Variants in SLC4A10 observed in about 807,000 individuals in gnomAD.
SLC4A10 encodes the protein solute carrier family 4 member 10.
SLC4A10 carries 42 observed loss-of-function variants against 137.7 expected under a neutral mutation model. The observed-to-expected ratio is 0.30, with a 90% CI of 0.24 to 0.39. The LOEUF is 0.39. SLC4A10 is among the 10% of genes least tolerant of loss of function. The probability of loss-of-function intolerance (pLI) is 1.00; values close to 1 mark genes in which losing one functional copy is unlikely to be tolerated. For missense variants in SLC4A10, 925 were observed against 1,355.0 expected, an observed-to-expected ratio of 0.68 and a Z score of 4.98; for synonymous variants, 474 against 464.1, an observed-to-expected ratio of 1.02 and a Z score of -0.27.
chr2:161,857,647 C>G (rs1435761457), intron 5 of SLC4A10, among the ~76,000 whole-genome samples: 1 of 151,976 alleles, frequency 6.6e-6, no homozygotes, highest in Non-Finnish European at 1.5e-5. Flanking sequence ...TTATTTTTTA[C>G]TTCTCCTATT....
intron 1 of SLC4A10, among the ~76,000 whole-genome samples, chr2:161,732,102 T>C (rs2046877912): frequency 2.0e-5 from 3 of 152,196 alleles, no homozygotes; most frequent in African/African-American, 7.2e-5. Flanking sequence ...AAGCTCCAAG[T>C]GCTCAGCTAT....
chr2:161,723,913 C>T (rs535980403), intron 1 of SLC4A10, among the ~76,000 whole-genome samples: 1 of 152,282 alleles, frequency 6.6e-6, no homozygotes, highest in South Asian at 2.1e-4. Context: ...GACATTGCAT[C>T]CTGGTAGACA....
At chr2:161,664,135 G>C (rs913715820) in intron 1 of SLC4A10, among the ~76,000 whole-genome samples, 4 of 151,714 alleles carry the variant, frequency 2.6e-5, no homozygotes, top group African/African-American at 9.7e-5. Context: ...AGAAGCTCTG[G>C]GATTCTAACC....
chr2:161,852,894 A>G (rs1163253802), intron 4 of SLC4A10, among the ~76,000 whole-genome samples: 2 of 152,202 alleles, frequency 1.3e-5, no homozygotes, highest in African/African-American at 2.4e-5. Flanking sequence ...AGAGAAGTTA[A>G]AAGACTTTCC....
intron 16 of SLC4A10, among the ~76,000 whole-genome samples, chr2:161,946,521 G>T (rs1162427868): frequency 1.3e-5 from 2 of 151,970 alleles, no homozygotes; most frequent in African/African-American, 2.4e-5. Flanking sequence ...TATGTTCAGG[G>T]CAAGAATATC....
At chr2:161,837,558 C>T (rs2058895421) in intron 3 of SLC4A10, among the ~76,000 whole-genome samples, 1 of 152,104 alleles carries the variant, frequency 6.6e-6, no homozygotes, top group Non-Finnish European at 1.5e-5. Flanking sequence ...CAATCAAATT[C>T]CAAGCAGGAA....
intron 2 of SLC4A10, among the ~76,000 whole-genome samples, chr2:161,785,615 CA>C (rs1290431767): frequency 6.6e-6 from 1 of 151,530 alleles, no homozygotes; most frequent in Admixed American, 6.6e-5. Context: ...GAGTAAAGAA[CA>C]AAAAATATAT....
At chr2:161,920,554 C>A (rs975258361) in intron 15 of SLC4A10, among the ~76,000 whole-genome samples, 4 of 152,152 alleles carry the variant, frequency 2.6e-5, no homozygotes, top group African/African-American at 9.7e-5. Context: ...TTATTCTCTG[C>A]ATATTTTGAA....
intron 15 of SLC4A10, among the ~76,000 whole-genome samples, chr2:161,933,227 C>CTTTCTTTCT (rs1559565510): frequency 8.2e-6 from 1 of 122,160 alleles, no homozygotes; most frequent in Non-Finnish European, 1.8e-5. Flanking sequence ...TTCTTTCTTT[C>CTTTCTTTCT]TTTCTTTCTT....
Position 161,765,906 on chromosome 2 carries a change from C to T in SLC4A10, c.49-5067C>T, listed in dbSNP as rs1465456943. Reference sequence around the variant, plus strand: ...CTTCATCATACCCCATGTTTACTTGCTCTTGGTAACAAGGAGGAAGGGAAA... The same window carrying T: ...CTTCATCATACCCCATGTTTACTTGTTCTTGGTAACAAGGAGGAAGGGAAA... On this transcript the variant is annotated intron_variant, in intron 1 of 26. Coordinates refer to ENST00000446997, the MANE Select transcript of SLC4A10 (RefSeq NM_001178015.2). Among the ~76,000 whole-genome samples, 4 of 152,098 alleles carry T rather than the reference C, an allele frequency of 2.6e-5. No homozygotes were observed. The East Asian group carries it at 5.8e-4, about 22-fold the overall frequency.
At chr2:161,979,253 A>G (rs1699858944) in intron 26 of SLC4A10, among the ~76,000 whole-genome samples, 1 of 152,230 alleles carries the variant, frequency 6.6e-6, no homozygotes, top group South Asian at 2.1e-4. Flanking sequence ...GCTACTCCTT[A>G]AAGTCAAGTG....
intron 7 of SLC4A10, 30 bp downstream of exon 7, chr2:161,872,414 G>T: frequency 1.3e-6 from 2 of 1,539,276 alleles, no homozygotes; most frequent in Non-Finnish European, 1.8e-6. Context: ...ATCTAAGTAA[G>T]TTGCTAAATT....
At chr2:161,929,289 G>T (rs763322557) in intron 15 of SLC4A10, among the ~76,000 whole-genome samples, 60 of 152,218 alleles carry the variant, frequency 3.9e-4, no homozygotes, top group Non-Finnish European at 7.8e-4. Context: ...GGTCACCTGT[G>T]ATACAATTAT....
At chr2:161,752,286 T>G (rs901527702) in intron 1 of SLC4A10, among the ~76,000 whole-genome samples, 7 of 152,004 alleles carry the variant, frequency 4.6e-5, no homozygotes, top group Non-Finnish European at 8.8e-5. Context: ...TTGCCTTATC[T>G]AATTAATCCT....
At chr2:161,934,105 A>G (rs371424166) in intron 15 of SLC4A10, among the ~76,000 whole-genome samples, 3 of 152,344 alleles carry the variant, frequency 2.0e-5, no homozygotes, top group East Asian at 3.9e-4. Context: ...TAATGATCAC[A>G]TCAGAGTAAA....
chr2:161,801,290 C>T (rs1357562434), intron 2 of SLC4A10, among the ~76,000 whole-genome samples: 2 of 151,894 alleles, frequency 1.3e-5, no homozygotes, highest in African/African-American at 2.4e-5. Flanking sequence ...TTTAATCTTG[C>T]TCTTTTTATC....
At chr2:161,877,409 A>G (rs2061505026) in intron 8 of SLC4A10, among the ~76,000 whole-genome samples, 1 of 152,090 alleles carries the variant, frequency 6.6e-6, no homozygotes, top group Admixed American at 6.5e-5. Context: ...AGTAACAGAA[A>G]GGATTATGAG....
chr2:161,747,848 T>G (rs2048540472), intron 1 of SLC4A10, among the ~76,000 whole-genome samples: 2 of 152,196 alleles, frequency 1.3e-5, no homozygotes, highest in African/African-American at 2.4e-5. Context: ...AATTCTATTT[T>G]ACTTTTTTTG....
intron 15 of SLC4A10, among the ~76,000 whole-genome samples, chr2:161,930,934 GTTTTA>G (rs145837497): frequency 0.11 from 14,768 of 137,178 alleles, 805 homozygotes; most frequent in African/African-American, 0.15. Flanking sequence ...GTTTTGTTTT[GTTTTA>G]TTTTGTTTTT....
Sources: gnomAD v4.1 joint callset for allele counts (sites outside exome capture counted in the v4.1 genomes callset) on GRCh38, gnomAD v4.1.1 for gene constraint, MANE v1.5 for transcripts, NCBI Gene and HGNC (gene_info 2026-07-23, HGNC 2026-07-21) for gene names.